The following NAALADL2 variants were observed in gnomAD, a reference collection of about 807,000 sequenced individuals.
NAALADL2 encodes inactive N-acetylated-alpha-linked acidic dipeptidase-like protein 2.
A neutral mutation model predicts 87.2 loss-of-function variants in NAALADL2; 76 were observed. That is an observed-to-expected ratio of 0.87 (90% CI 0.72 to 1.05). NAALADL2 has a LOEUF of 1.05. Among genes scored for constraint, NAALADL2 ranks in the 50% least tolerant of loss-of-function variants. The probability of loss-of-function intolerance (pLI) is 0.00; values close to 1 mark genes in which losing one functional copy is unlikely to be tolerated. For synonymous variants in NAALADL2, 354 were observed against 331.0 expected (o/e 1.07, Z -0.75); for missense variants, 1,089 against 945.8 (o/e 1.15, Z -1.99).
intron 11 of NAALADL2, among the ~76,000 whole-genome samples, chr3:175,670,411 A>T (rs141462451): frequency 0.039 from 5,578 of 142,476 alleles, 28 homozygotes; most frequent in Non-Finnish European, 0.063. Flanking sequence ...AATTTACATT[A>T]AATGTAAATT....
At chr3:175,751,542 A>G (rs190517241) in intron 12 of NAALADL2, among the ~76,000 whole-genome samples, 5 of 152,250 alleles carry the variant, frequency 3.3e-5, no homozygotes, top group Admixed American at 2.0e-4. Context: ...AGAAACTTAC[A>G]TGATTATTTT....
At chr3:174,631,133 T>C (rs968060255) in intron 2 of NAALADL2, among the ~76,000 whole-genome samples, 6 of 152,310 alleles carry the variant, frequency 3.9e-5, no homozygotes, top group Non-Finnish European at 7.4e-5. Flanking sequence ...TGTTGTTTAC[T>C]GTATGTGGTC....
At position 175,415,936 on chromosome 3, in the gene NAALADL2, C is replaced by A. The variant is rs182415909; in HGVS notation, c.1091-31293C>A. ...TGAGAACAACCTGGTCAACATACTG[C>A]GAGACCTTGTCTCTATTTAAAAAAA... is the stretch of plus-strand genomic sequence containing the variant. On this transcript the variant is annotated intron_variant, in intron 5 of 13. Coordinates refer to ENST00000454872, the MANE Select transcript of NAALADL2 (RefSeq NM_207015.3). 2.7e-5 allele frequency among the ~76,000 whole-genome samples: 4 copies of A among 146,304 alleles called. No individual in the cohort carries two copies. In the East Asian group the frequency reaches 6.0e-4, roughly 22 times the overall value.
chr3:175,288,621 C>T (rs1025353814), intron 4 of NAALADL2, among the ~76,000 whole-genome samples: 1 of 149,716 alleles, frequency 6.7e-6, no homozygotes, highest in Non-Finnish European at 1.5e-5. Context: ...TGTAGACTTA[C>T]GTCCAAGTGG....
At chr3:175,692,023 A>G (rs1737116355) in intron 11 of NAALADL2, among the ~76,000 whole-genome samples, 1 of 151,714 alleles carries the variant, frequency 6.6e-6, no homozygotes, top group East Asian at 1.9e-4. Context: ...CTCTCTTCTC[A>G]TTTTCTTTTG....
In NAALADL2 at chr3:175,567,011, T is replaced by C. The variant is rs549662385; in HGVS notation, c.1654-9030T>C. Reference sequence around the variant, plus strand: ...TTCCATTGTTCCCACTACAATTTTATGATTTAGATTTTTACATTGTAAAGA... The same window carrying C: ...TTCCATTGTTCCCACTACAATTTTACGATTTAGATTTTTACATTGTAAAGA... On this transcript the variant is annotated intron_variant, in intron 9 of 13. Transcript: ENST00000454872. 1.2e-3 allele frequency among the ~76,000 whole-genome samples: 177 copies of C among 152,356 alleles called. 3 individuals are homozygous for C. Among genetic ancestry groups the C allele is most frequent in the Admixed American group, 7.2e-4 (11 of 15,310 alleles).
intron 1 of NAALADL2, among the ~76,000 whole-genome samples, chr3:175,026,559 G>A (rs1752252816): frequency 6.6e-6 from 1 of 151,688 alleles, no homozygotes; most frequent in African/African-American, 2.4e-5. Context: ...GGAGGCTGAG[G>A]CAGGAGAATT....
intron 11 of NAALADL2, among the ~76,000 whole-genome samples, chr3:175,658,518 A>G (rs550549732): frequency 9.4e-4 from 143 of 152,200 alleles, no homozygotes; most frequent in African/African-American, 3.3e-3. Flanking sequence ...AAAATCTTTG[A>G]TAGTTTAATG....
At chr3:174,970,054 T>G (rs1743414098) in intron 1 of NAALADL2, among the ~76,000 whole-genome samples, 1 of 152,166 alleles carries the variant, frequency 6.6e-6, no homozygotes, top group Admixed American at 6.5e-5. Flanking sequence ...TTCTAATATT[T>G]AAATAAATAG....
intron 1 of NAALADL2, among the ~76,000 whole-genome samples, chr3:174,918,324 T>C (rs970617784): frequency 7.2e-5 from 11 of 152,280 alleles, no homozygotes; most frequent in South Asian, 4.1e-4. Flanking sequence ...AGTGGGATAT[T>C]AGCCCCTCTG....
chr3:175,181,621 T>C (rs1039568491), intron 2 of NAALADL2, among the ~76,000 whole-genome samples: 1 of 150,544 alleles, frequency 6.6e-6, no homozygotes. Flanking sequence ...GGTTCATCCA[T>C]GTTGTTGCAA....
intron 13 of NAALADL2, among the ~76,000 whole-genome samples, chr3:175,756,713 C>G (rs918958874): frequency 1.3e-5 from 2 of 152,004 alleles, no homozygotes; most frequent in Non-Finnish European, 2.9e-5. Flanking sequence ...ACACTGTTCA[C>G]TATTTGGGTG....
At chr3:174,774,768 A>G (rs512042) in intron 3 of NAALADL2, among the ~76,000 whole-genome samples, 40,766 of 152,148 alleles carry the variant, frequency 0.27, 5,886 homozygotes, top group Middle Eastern at 0.33. Context: ...GAACATCTTC[A>G]GCTATTTTAA....
At chr3:175,515,667 A>G (rs934798179) in intron 9 of NAALADL2, among the ~76,000 whole-genome samples, 37 of 152,310 alleles carry the variant, frequency 2.4e-4, no homozygotes, top group Non-Finnish European at 5.0e-4. Context: ...AAAGTTGGGC[A>G]TCAGATAAGC....
rs995195857 is a variant in NAALADL2 at position 174,935,744 on chromosome 3, T to C, written c.43+76294T>C. Among the ~76,000 whole-genome samples, 5 of 152,284 alleles carry C rather than the reference T, an allele frequency of 3.3e-5. 1 individual carries two copies. The East Asian group carries it at 9.7e-4, about 29-fold the overall frequency. ...TTCTTCAGAGCTACGGATTAGCTAATAGTAAATAATATTGCAATAAAAGTT... is the reference window on the plus strand; with the variant it reads ...TTCTTCAGAGCTACGGATTAGCTAACAGTAAATAATATTGCAATAAAAGTT... On this transcript the variant is annotated intron_variant, in intron 1 of 13. Coordinates refer to ENST00000454872, the MANE Select transcript of NAALADL2 (RefSeq NM_207015.3).
At chr3:175,046,300 G>A (rs1311926670) in intron 1 of NAALADL2, among the ~76,000 whole-genome samples, 1 of 152,114 alleles carries the variant, frequency 6.6e-6, no homozygotes, top group Non-Finnish European at 1.5e-5. Flanking sequence ...TAAGATGCTA[G>A]TGATGCAATG....
chr3:175,219,899 G>C (rs1373733446), intron 2 of NAALADL2, among the ~76,000 whole-genome samples: 3 of 144,636 alleles, frequency 2.1e-5, no homozygotes, highest in South Asian at 2.2e-4. Context: ...CTTTCAACAA[G>C]TGTATTTGAT....
chr3:174,633,016 T>C (rs1014780855), intron 2 of NAALADL2, among the ~76,000 whole-genome samples: 1 of 151,988 alleles, frequency 6.6e-6, no homozygotes, highest in Non-Finnish European at 1.5e-5. Context: ...TTAATGAATG[T>C]TTATTGTTAT....
At chr3:175,173,364 T>C (rs1009297405) in intron 2 of NAALADL2, among the ~76,000 whole-genome samples, 3 of 151,646 alleles carry the variant, frequency 2.0e-5, no homozygotes, top group Non-Finnish European at 4.4e-5. Flanking sequence ...AAGCCAGGCA[T>C]GTTGGTGTGT....
Sources: gnomAD v4.1 joint callset for allele counts (sites outside exome capture counted in the v4.1 genomes callset) on GRCh38, gnomAD v4.1.1 for gene constraint, MANE v1.5 for transcripts, NCBI Gene and HGNC (gene_info 2026-07-23, HGNC 2026-07-21) for gene names.